Variants in ARB2A observed in about 807,000 individuals in gnomAD.
ARB2A encodes cotranscriptional regulator ARB2A.
the ARB2A span, among the ~76,000 whole-genome samples, chr5:93,931,203 C>G: frequency 6.6e-6 from 1 of 152,160 alleles, no homozygotes; most frequent in Non-Finnish European, 1.5e-5. Context: ...CAGTGACTCA[C>G]ACCTGTAATC....
chr5:93,929,048 T>C, the ARB2A span, among the ~76,000 whole-genome samples: 5 of 151,784 alleles, frequency 3.3e-5, no homozygotes, highest in Non-Finnish European at 4.4e-5. Context: ...AAACAAAAGG[T>C]AGGAAAATGC....
At chr5:93,828,482 CT>C in the ARB2A span, among the ~76,000 whole-genome samples, 1 of 152,088 alleles carries the variant, frequency 6.6e-6, no homozygotes, top group African/African-American at 2.4e-5. Context: ...CATTAAAATT[CT>C]ATTGATCCTG....
At chr5:93,824,319 T>C in the ARB2A span, 4 of 1,320,286 alleles carry the variant, frequency 3.0e-6, no homozygotes, top group East Asian at 2.7e-5. Flanking sequence ...ATTATTATCA[T>C]AGCAAACAAC....
the ARB2A span, among the ~76,000 whole-genome samples, chr5:93,872,159 G>A: frequency 0.011 from 1,691 of 151,930 alleles, 28 homozygotes; most frequent in African/African-American, 0.039. Context: ...TGTTGGCCAC[G>A]CTGGTCTTGA....
the ARB2A span, among the ~76,000 whole-genome samples, chr5:94,030,075 C>G: frequency 1.3e-5 from 2 of 152,100 alleles, no homozygotes; most frequent in Admixed American, 1.3e-4. Flanking sequence ...AAAAACTTGC[C>G]CTCATGATTC....
chr5:94,019,696 G>T, the ARB2A span, among the ~76,000 whole-genome samples: 1 of 152,312 alleles, frequency 6.6e-6, no homozygotes, highest in East Asian at 1.9e-4. Context: ...GTGTAAACTA[G>T]TTCAACCATT....
At chr5:93,822,782 T>A in the ARB2A span, among the ~76,000 whole-genome samples, 3 of 151,992 alleles carry the variant, frequency 2.0e-5, no homozygotes, top group African/African-American at 4.8e-5. Flanking sequence ...ATAAATAAAT[T>A]AATTCAGCAT....
At chr5:93,825,140 T>C in the ARB2A span, among the ~76,000 whole-genome samples, 2 of 152,244 alleles carry the variant, frequency 1.3e-5, no homozygotes, top group Non-Finnish European at 2.9e-5. Context: ...ATATGTGTTC[T>C]TGTCTGCAGC....
the ARB2A span, among the ~76,000 whole-genome samples, chr5:94,092,268 C>G: frequency 6.6e-6 from 1 of 152,068 alleles, no homozygotes; most frequent in Admixed American, 6.5e-5. Context: ...ATTGCTTGAG[C>G]CTGAGAGGTC....
the ARB2A span, among the ~76,000 whole-genome samples, chr5:94,096,293 G>A: frequency 6.6e-6 from 1 of 152,126 alleles, no homozygotes; most frequent in African/African-American, 2.4e-5. Context: ...TTTTATACAA[G>A]CACATAAAAC....
At chr5:93,935,503 G>C in the ARB2A span, among the ~76,000 whole-genome samples, 2 of 152,190 alleles carry the variant, frequency 1.3e-5, no homozygotes, top group Non-Finnish European at 2.9e-5. Flanking sequence ...CACATTTTAA[G>C]TATTGCTGAA....
the ARB2A span, among the ~76,000 whole-genome samples, chr5:93,954,988 T>C: frequency 6.6e-6 from 1 of 151,988 alleles, no homozygotes. Flanking sequence ...CTCCCCCAAA[T>C]GCACAGATTC....
the ARB2A span, among the ~76,000 whole-genome samples, chr5:93,765,414 G>C: frequency 1.3e-5 from 2 of 152,130 alleles, no homozygotes; most frequent in African/African-American, 2.4e-5. Context: ...GACAAACAGA[G>C]AGCCAAATCA....
At chr5:93,893,844 T>C in the ARB2A span, among the ~76,000 whole-genome samples, 2 of 152,294 alleles carry the variant, frequency 1.3e-5, no homozygotes, top group Middle Eastern at 6.8e-3. Context: ...AATTGTATCA[T>C]ATAGTTTGGG....
the ARB2A span, among the ~76,000 whole-genome samples, chr5:94,039,189 AG>A: frequency 1.3e-5 from 2 of 152,210 alleles, no homozygotes; most frequent in Non-Finnish European, 2.9e-5. Flanking sequence ...TTTGAATGTA[AG>A]TGTCAGAGGT....
the ARB2A span, among the ~76,000 whole-genome samples, chr5:93,931,063 CTT>C: frequency 6.6e-6 from 1 of 152,162 alleles, no homozygotes; most frequent in Non-Finnish European, 1.5e-5. Flanking sequence ...TCAACTCCCA[CTT>C]ATGAGTAAGA....
At chr5:93,859,855 G>A in the ARB2A span, among the ~76,000 whole-genome samples, 2 of 152,172 alleles carry the variant, frequency 1.3e-5, no homozygotes, top group South Asian at 4.1e-4. Context: ...AGCCATGTAT[G>A]GGTGATCAGA....
At chr5:93,687,910 G>A in the ARB2A span, among the ~76,000 whole-genome samples, 1 of 151,424 alleles carries the variant, frequency 6.6e-6, no homozygotes, top group South Asian at 2.1e-4. Flanking sequence ...TCTTCACCTG[G>A]TCTCCTACTT....
chr5:94,050,731 C>T, the ARB2A span: 6 of 1,591,020 alleles, frequency 3.8e-6, no homozygotes, highest in Non-Finnish European at 5.1e-6. Flanking sequence ...TGTGACATAC[C>T]TCTCCTAGAG....
Sources: gnomAD v4.1 joint callset for allele counts (sites outside exome capture counted in the v4.1 genomes callset) on GRCh38, gnomAD v4.1.1 for gene constraint, MANE v1.5 for transcripts, NCBI Gene and HGNC (gene_info 2026-07-23, HGNC 2026-07-21) for gene names.